Variants in SMLR1 observed in about 807,000 individuals in gnomAD.
SMLR1 encodes small leucine rich protein 1, also known as small leucine-rich protein 1.
Under a neutral mutation model 6.1 loss-of-function variants are expected in SMLR1, and 3 were observed. The observed-to-expected ratio is 0.49, with a 90% CI of 0.22 to 1.28. The LOEUF is 1.28. SMLR1 is among the 50% of genes most tolerant of loss of function. The probability of loss-of-function intolerance (pLI) is 0.19; values close to 1 mark genes in which losing one functional copy is unlikely to be tolerated. For missense variants in SMLR1, 126 were observed against 124.8 expected, an observed-to-expected ratio of 1.01 and a Z score of -0.05; for synonymous variants, 55 against 53.6, an observed-to-expected ratio of 1.03 and a Z score of -0.11.
In SMLR1 at chr6:130,836,668, T is replaced by C. The variant is rs1385466028; in HGVS notation, c.*1713T>C. ...CAATGAAACTGACTAGATTTATGAA[T>C]GTTTTTTATATGTAGAGAGGGGCAG... is the stretch of plus-strand genomic sequence containing the variant. On this transcript the variant is annotated 3_prime_UTR_variant, in exon 2 of 2. Transcript: ENST00000541421. 2.0e-5 allele frequency: 3 copies of C among 152,230 alleles called. No homozygotes were observed. Among genetic ancestry groups the C allele is most frequent in the African/African-American group, 7.2e-5 (3 of 41,474 alleles). 9.4% of individuals were successfully genotyped at this position (152,230 alleles called of 1,614,324 possible).
chr6:130,833,706 A>C (rs1774542067), intron 1 of SMLR1, among the ~76,000 whole-genome samples: 2 of 152,154 alleles, frequency 1.3e-5, no homozygotes, highest in South Asian at 4.1e-4. Flanking sequence ...TTGAACGAGA[A>C]AGATTGCAAA....
At position 130,833,078 on chromosome 6, in the gene SMLR1, G is replaced by C. The variant is rs185340899; in HGVS notation, c.239-1792G>C. The stretch of plus-strand genomic sequence containing the variant: ...CAACCACGACCTTGGGTGTTCTCAA[G>C]GCCAACTGCCTATCGAATCTCTCTG... On this transcript the variant is annotated intron_variant, in intron 1 of 1. Coordinates refer to ENST00000541421, the MANE Select transcript of SMLR1 (RefSeq NM_001195597.2). Among the ~76,000 whole-genome samples the C allele has an allele frequency of 6.5e-4, 99 of 152,262 alleles. No homozygotes were observed. The Middle Eastern group carries it at 0.014, about 21-fold the overall frequency.
At chr6:130,827,873 T>C (rs971758666) in intron 1 of SMLR1, among the ~76,000 whole-genome samples, 1 of 152,130 alleles carries the variant, frequency 6.6e-6, no homozygotes, top group Non-Finnish European at 1.5e-5. Flanking sequence ...AGGTCTGCTG[T>C]AGGGGGCCCT....
intron 1 of SMLR1, among the ~76,000 whole-genome samples, chr6:130,829,584 C>T (rs1398481072): frequency 6.6e-6 from 1 of 152,168 alleles, no homozygotes; most frequent in Non-Finnish European, 1.5e-5. Context: ...ACTTCCCTGC[C>T]CGTGCAAGTT....
intron 1 of SMLR1, among the ~76,000 whole-genome samples, chr6:130,828,118 C>T (rs1170832998): frequency 6.6e-6 from 1 of 152,156 alleles, no homozygotes; most frequent in African/African-American, 2.4e-5. Flanking sequence ...AGGGAATGTT[C>T]CAAACATTCT....
intron 1 of SMLR1, among the ~76,000 whole-genome samples, chr6:130,828,923 A>G (rs1248999200): frequency 6.6e-6 from 1 of 152,210 alleles, no homozygotes; most frequent in Non-Finnish European, 1.5e-5. Context: ...CCAAAAAGGA[A>G]GAGAAAATAA....
intron 1 of SMLR1, among the ~76,000 whole-genome samples, chr6:130,831,642 T>C (rs1774451674): frequency 6.6e-6 from 1 of 152,182 alleles, no homozygotes; most frequent in African/African-American, 2.4e-5. Flanking sequence ...CTTAAAAAAC[T>C]GTCAACAGAT....
chr6:130,835,048 C>G lies in SMLR1; in HGVS notation c.*93C>G, dbSNP rs1026363973. On this transcript the variant is annotated 3_prime_UTR_variant, in exon 2 of 2. Transcript: ENST00000541421. ...TCAGCTAATAAAGTAGGTTGATAAA[C>G]TAGAACCATAGCAAAATAGAAAGAA... 2.0e-6 allele frequency: 2 copies of G among 979,208 alleles called. No individual in the cohort carries two copies. Among genetic ancestry groups the G allele is most frequent in the Non-Finnish European group, 3.1e-6 (2 of 646,418 alleles). 60.7% of individuals were successfully genotyped at this position (979,208 alleles called of 1,614,324 possible).
chr6:130,834,151 T>A (rs1212540982), intron 1 of SMLR1, among the ~76,000 whole-genome samples: 2 of 152,118 alleles, frequency 1.3e-5, no homozygotes, highest in Admixed American at 6.6e-5. Context: ...TCAGAAGGCA[T>A]CTCAGGGCTA....
chr6:130,829,530 A>C (rs1490135855), intron 1 of SMLR1, among the ~76,000 whole-genome samples: 1 of 152,204 alleles, frequency 6.6e-6, no homozygotes. Context: ...CCATGTGTGT[A>C]CACCTCTGTG....
intron 1 of SMLR1, among the ~76,000 whole-genome samples, chr6:130,833,937 T>C (rs1478645237): frequency 6.6e-6 from 1 of 152,136 alleles, no homozygotes; most frequent in Admixed American, 6.5e-5. Context: ...TGTGGGAGCC[T>C]AAGAGAGCAT....
At chr6:130,828,388 A>G (rs986051298) in intron 1 of SMLR1, among the ~76,000 whole-genome samples, 2 of 152,222 alleles carry the variant, frequency 1.3e-5, no homozygotes, top group Non-Finnish European at 2.9e-5. Context: ...GATTAATATC[A>G]TCAAGGTTAA....
chr6:130,829,550 C>T lies in SMLR1; in HGVS notation c.238+1899C>T, dbSNP rs541231348. 4.6e-5 allele frequency among the ~76,000 whole-genome samples: 7 copies of T among 152,296 alleles called. No homozygotes were observed. In the South Asian group the frequency reaches 6.2e-4, roughly 14 times the overall value. ...TGTGTACACCTCTGTGATGATTGCACGCTGATGCCCTCCTATCTTCAGCAC... is the reference window on the plus strand; with the variant it reads ...TGTGTACACCTCTGTGATGATTGCATGCTGATGCCCTCCTATCTTCAGCAC... On this transcript the variant is annotated intron_variant, in intron 1 of 1. Coordinates refer to ENST00000541421, the MANE Select transcript of SMLR1 (RefSeq NM_001195597.2).
intron 1 of SMLR1, among the ~76,000 whole-genome samples, chr6:130,831,669 G>A (rs1774452659): frequency 1.3e-5 from 2 of 152,146 alleles, no homozygotes; most frequent in African/African-American, 2.4e-5. Context: ...ATGTCATGTC[G>A]TTAATCTTCC....
chr6:130,836,311 G>A lies in SMLR1; in HGVS notation c.*1356G>A. 6.6e-6 allele frequency: 1 copy of A among 152,182 alleles called. No homozygotes were observed. Among genetic ancestry groups the A allele is most frequent in the African/African-American group, 2.4e-5 (1 of 41,458 alleles). 9.4% of individuals were successfully genotyped at this position (152,182 alleles called of 1,614,324 possible). On this transcript the variant is annotated 3_prime_UTR_variant, in exon 2 of 2. Transcript: ENST00000541421. ...TGGAAGGAATAACAATATTCTTTCA[G>A]TTTTGGGAGAGATCTCTTTTTAGCC...
At chr6:130,828,203 A>G (rs1255066622) in intron 1 of SMLR1, among the ~76,000 whole-genome samples, 1 of 152,328 alleles carries the variant, frequency 6.6e-6, no homozygotes, top group Non-Finnish European at 1.5e-5. Context: ...CCATGGGATT[A>G]TAGTCTTAAG....
chr6:130,835,740 A>G lies in SMLR1; in HGVS notation c.*785A>G, dbSNP rs1001850987. 1 of 152,226 alleles carries G rather than the reference A, an allele frequency of 6.6e-6. No homozygotes were observed. The highest frequency in any genetic ancestry group is 2.4e-5 in the African/African-American group (1 of 41,462). 9.4% of individuals were successfully genotyped at this position (152,226 alleles called of 1,614,324 possible). A position where few individuals can be genotyped will look rare whatever the true frequency, so the allele number is the denominator to read the frequency against. ...TATATCTAACTATGCGGATAAGTCA[A>G]CATTTCACTACAGTTCTTTTTCAGT... On this transcript the variant is annotated 3_prime_UTR_variant, in exon 2 of 2. Coordinates refer to ENST00000541421, the MANE Select transcript of SMLR1 (RefSeq NM_001195597.2).
Position 130,836,854 on chromosome 6 carries a change from A to C in SMLR1, c.*1899A>C, listed in dbSNP as rs1021965750. On this transcript the variant is annotated 3_prime_UTR_variant, in exon 2 of 2. Transcript: ENST00000541421. ...CTCATTCTCATAGGTCCAGTTTAAG[A>C]TCTCATTCAGTCCTGAACTGCTTCG... The C allele has an allele frequency of 6.6e-5, 10 of 152,112 alleles. No homozygotes were observed. The highest frequency in any genetic ancestry group is 1.5e-5 in the Non-Finnish European group (1 of 68,028). 9.4% of individuals were successfully genotyped at this position (152,112 alleles called of 1,614,324 possible).
chr6:130,835,326 G>A lies in SMLR1; in HGVS notation c.*371G>A. 5.7e-6 allele frequency: 1 copy of A among 176,322 alleles called. No homozygotes were observed. Among genetic ancestry groups the A allele is most frequent in the South Asian group, 1.4e-4 (1 of 7,124 alleles). The allele number at this position is 176,322 out of a possible 1,614,324, so 10.9% of individuals were successfully genotyped here. A position where few individuals can be genotyped will look rare whatever the true frequency, so the allele number is the denominator to read the frequency against. ...GAACCCCTATTATTCCGATTTTAGAGGTGAAGAAACCTTGGTAGAGATCCA... is the reference window on the plus strand; with the variant it reads ...GAACCCCTATTATTCCGATTTTAGAAGTGAAGAAACCTTGGTAGAGATCCA... On this transcript the variant is annotated 3_prime_UTR_variant, in exon 2 of 2. Coordinates refer to ENST00000541421, the MANE Select transcript of SMLR1 (RefSeq NM_001195597.2).
Sources: gnomAD v4.1 joint callset for allele counts (sites outside exome capture counted in the v4.1 genomes callset) on GRCh38, gnomAD v4.1.1 for gene constraint, MANE v1.5 for transcripts, NCBI Gene and HGNC (gene_info 2026-07-23, HGNC 2026-07-21) for gene names.